The following PDE4D variants were observed in gnomAD, a reference collection of about 807,000 sequenced individuals.
PDE4D encodes the protein phosphodiesterase 4D.
PDE4D carries 24 observed loss-of-function variants against 87.4 expected under a neutral mutation model. That is an observed-to-expected ratio of 0.27 (90% CI 0.20 to 0.39). The LOEUF is 0.39. Among genes scored for constraint, PDE4D ranks in the 10% least tolerant of loss-of-function variants. The probability of loss-of-function intolerance (pLI) is 1.00; values close to 1 mark genes in which losing one functional copy is unlikely to be tolerated. For missense variants in PDE4D, 714 were observed against 1,041.0 expected (o/e 0.69, Z 4.32); for synonymous variants, 384 against 383.2 (o/e 1.00, Z -0.02).
intron 6 of PDE4D, among the ~76,000 whole-genome samples, chr5:59,037,094 C>A (rs117654563): frequency 7.2e-5 from 11 of 152,190 alleles, no homozygotes; most frequent in South Asian, 4.2e-4. Context: ...ATTTTTAAAT[C>A]TTAACGTATA....
At chr5:59,501,028 C>G (rs1246230786) in intron 1 of PDE4D, among the ~76,000 whole-genome samples, 1 of 152,128 alleles carries the variant, frequency 6.6e-6, no homozygotes, top group Non-Finnish European at 1.5e-5. Context: ...CACATTATCA[C>G]TTTTGAATCT....
At position 59,586,645 on chromosome 5, in the gene PDE4D, A is replaced by G. The variant is rs1230213180; in HGVS notation, c.455+306523T>C. On this transcript the variant is annotated intron_variant, in intron 1 of 14. Coordinates refer to ENST00000340635, the MANE Select transcript of PDE4D (RefSeq NM_001104631.2). The stretch of plus-strand genomic sequence containing the variant: ...TTAGGTTCCACTAGTTAGTCAACAT[A>G]CTAAAATAACCAGTTCAACTAATAA... The G allele has an allele frequency of 5.0e-6, 6 of 1,191,764 alleles. No homozygotes were observed. The East Asian group carries it at 1.9e-4, about 38-fold the overall frequency. 73.8% of individuals were successfully genotyped at this position (1,191,764 alleles called of 1,614,324 possible).
At chr5:59,887,089 T>C (rs1213608380) in intron 1 of PDE4D, among the ~76,000 whole-genome samples, 1 of 152,042 alleles carries the variant, frequency 6.6e-6, no homozygotes, top group Non-Finnish European at 1.5e-5. Flanking sequence ...TTGGTGGTCT[T>C]TGAGATCCAA....
intron 1 of PDE4D, among the ~76,000 whole-genome samples, chr5:59,442,162 A>C (rs1397469900): frequency 6.6e-6 from 1 of 152,232 alleles, no homozygotes; most frequent in Non-Finnish European, 1.5e-5. Flanking sequence ...TATTAATGAA[A>C]GATAAGGCTT....
At chr5:59,742,481 GA>G (rs1339913605) in intron 1 of PDE4D, among the ~76,000 whole-genome samples, 5 of 152,174 alleles carry the variant, frequency 3.3e-5, no homozygotes, top group Admixed American at 2.0e-4. Flanking sequence ...TAGCAAGTGA[GA>G]AAACCAATGT....
intron 1 of PDE4D, among the ~76,000 whole-genome samples, chr5:59,610,932 C>T (rs1352781206): frequency 6.6e-6 from 1 of 152,086 alleles, no homozygotes; most frequent in East Asian, 1.9e-4. Flanking sequence ...GCTAGGGGTA[C>T]AAGGTCTCTT....
chr5:59,465,722 A>C (rs1214660533), intron 1 of PDE4D, among the ~76,000 whole-genome samples: 1 of 152,210 alleles, frequency 6.6e-6, no homozygotes, highest in Non-Finnish European at 1.5e-5. Flanking sequence ...TCTGTGATAG[A>C]TGGATTATCT....
intron 1 of PDE4D, among the ~76,000 whole-genome samples, chr5:60,266,797 G>T (rs551623267): frequency 4.6e-5 from 7 of 152,328 alleles, no homozygotes; most frequent in African/African-American, 1.7e-4. Flanking sequence ...CGGTGAAGTG[G>T]AAATAGAATG....
chr5:60,116,065 C>A (rs776160459), intron 2 of PDE4D, among the ~76,000 whole-genome samples: 1 of 152,058 alleles, frequency 6.6e-6, no homozygotes, highest in Non-Finnish European at 1.5e-5. Flanking sequence ...ATGGCTCCTG[C>A]CACAATGCTT....
chr5:60,363,644 T>TA (rs1451014904), intron 1 of PDE4D, among the ~76,000 whole-genome samples: 1 of 152,196 alleles, frequency 6.6e-6, no homozygotes, highest in Non-Finnish European at 1.5e-5. Context: ...AACAGAGTGA[T>TA]GGGATACTGT....
At chr5:59,582,734 A>G (rs1004615203) in intron 1 of PDE4D, among the ~76,000 whole-genome samples, 2 of 152,190 alleles carry the variant, frequency 1.3e-5, no homozygotes, top group Non-Finnish European at 2.9e-5. Flanking sequence ...CTAATGAAAG[A>G]ATTTAGGGTC....
chr5:59,046,575 G>A (rs775844330), intron 5 of PDE4D, among the ~76,000 whole-genome samples: 5 of 151,792 alleles, frequency 3.3e-5, no homozygotes, highest in Non-Finnish European at 7.4e-5. Context: ...GCATATAAGA[G>A]AAAGGAGTCA....
intron 1 of PDE4D, among the ~76,000 whole-genome samples, chr5:60,442,978 C>A (rs1246415643): frequency 6.6e-6 from 1 of 151,996 alleles, no homozygotes; most frequent in Non-Finnish European, 1.5e-5. Context: ...GTCATCCCTG[C>A]AGACATGGTG....
At chr5:59,898,186 T>G (rs1449583753), upstream of PDE4D, among the ~76,000 whole-genome samples, 1 of 152,212 alleles carries the variant, frequency 6.6e-6, no homozygotes, top group Non-Finnish European at 1.5e-5. Context: ...AGCACACTAA[T>G]TTCCAACTAG....
chr5:59,157,273 G>T, intron 5 of PDE4D: 1 of 701,974 alleles, frequency 1.4e-6, no homozygotes, highest in Non-Finnish European at 2.6e-6. Context: ...CTAAACAGCT[G>T]TAGTTTTCAA....
At chr5:59,611,795 AC>A (rs1829039977) in intron 1 of PDE4D, among the ~76,000 whole-genome samples, 1 of 152,122 alleles carries the variant, frequency 6.6e-6, no homozygotes, top group African/African-American at 2.4e-5. Context: ...TAGTCCTTAT[AC>A]CTTTGTAAAA....
At chr5:59,367,095 T>A (rs906614140) in intron 1 of PDE4D, among the ~76,000 whole-genome samples, 3 of 152,230 alleles carry the variant, frequency 2.0e-5, no homozygotes, top group Admixed American at 1.3e-4. Context: ...AGATTCAGAC[T>A]ATCGACTCCT....
intron 9 of PDE4D, among the ~76,000 whole-genome samples, chr5:58,990,391 T>A (rs949735406): frequency 6.6e-6 from 1 of 152,106 alleles, no homozygotes; most frequent in South Asian, 2.1e-4. Context: ...GAAATGGATA[T>A]GAAGAAAGAA....
chr5:60,006,139 G>A (rs1007491546), intron 2 of PDE4D, among the ~76,000 whole-genome samples: 5 of 151,778 alleles, frequency 3.3e-5, no homozygotes, highest in Admixed American at 3.3e-4. Flanking sequence ...AATAATTGTA[G>A]AGGAAGGAAA....
Sources: allele counts gnomAD v4.1 joint callset (sites outside exome capture counted in the v4.1 genomes callset), GRCh38; gene constraint gnomAD v4.1.1; transcripts MANE v1.5; gene names NCBI Gene and HGNC (gene_info 2026-07-23, HGNC 2026-07-21).